RAP1A: variants seen among roughly 807,000 people sequenced by gnomAD.
RAP1A encodes the protein ras-related protein Rap-1A.
Under a neutral mutation model 26.4 loss-of-function variants are expected in RAP1A, and 6 were observed. The ratio of observed to expected loss-of-function variants is 0.23; its 90% CI spans 0.12 to 0.45. The LOEUF (loss-of-function observed/expected upper bound fraction) is 0.45. Among genes scored for constraint, RAP1A ranks in the 20% least tolerant of loss-of-function variants. The pLI is 0.99. For missense variants in RAP1A, 121 were observed against 217.2 expected, an observed-to-expected ratio of 0.56 and a Z score of 2.78; for synonymous variants, 73 against 79.4, an observed-to-expected ratio of 0.92 and a Z score of 0.43.
intron 1 of RAP1A, among the ~76,000 whole-genome samples, chr1:111,606,117 C>G (rs1013208835): frequency 1.3e-5 from 2 of 152,180 alleles, no homozygotes; most frequent in Non-Finnish European, 2.9e-5. Context: ...AGAAGCAAGG[C>G]TGGCATGGAA....
At chr1:111,710,067 T>G (rs1662329558) in intron 7 of RAP1A, among the ~76,000 whole-genome samples, 1 of 152,214 alleles carries the variant, frequency 6.6e-6, no homozygotes, top group African/African-American at 2.4e-5. Flanking sequence ...GCTAAAAAGT[T>G]TTTCAAAGTG....
intron 1 of RAP1A, among the ~76,000 whole-genome samples, chr1:111,623,629 T>C (rs1571505084): frequency 2.0e-5 from 3 of 152,310 alleles, no homozygotes. Flanking sequence ...CAGGCTGGTC[T>C]TGAACTCCTG....
At chr1:111,639,473 T>G (rs1291211417) in intron 1 of RAP1A, among the ~76,000 whole-genome samples, 3 of 152,066 alleles carry the variant, frequency 2.0e-5, no homozygotes, top group Non-Finnish European at 4.4e-5. Context: ...TCTGAGACTA[T>G]TCTTTCTTTA....
intron 1 of RAP1A, among the ~76,000 whole-genome samples, chr1:111,596,260 A>T (rs1658562163): frequency 6.6e-6 from 1 of 152,138 alleles, no homozygotes; most frequent in Non-Finnish European, 1.5e-5. Context: ...GGGTCCAGCC[A>T]GGTCAACAAT....
chr1:111,552,619 CT>C (rs1199526353), intron 1 of RAP1A, among the ~76,000 whole-genome samples: 1 of 152,082 alleles, frequency 6.6e-6, no homozygotes, highest in Non-Finnish European at 1.5e-5. Context: ...TAAAAGTCAC[CT>C]TTATCTATTT....
At chr1:111,607,003 TTTTATTTA>T (rs370268151) in intron 1 of RAP1A, among the ~76,000 whole-genome samples, 3,250 of 145,752 alleles carry the variant, frequency 0.022, 111 homozygotes, top group African/African-American at 0.079. Context: ...ATTCATTTTC[TTTTATTTA>T]TTTATTTATT....
At chr1:111,613,977 G>A (rs910314403) in intron 1 of RAP1A, among the ~76,000 whole-genome samples, 12 of 152,038 alleles carry the variant, frequency 7.9e-5, no homozygotes, top group Non-Finnish European at 1.2e-4. Context: ...ATTTATTCCC[G>A]AAACATTTAC....
intron 1 of RAP1A, among the ~76,000 whole-genome samples, chr1:111,580,681 T>A (rs1248233689): frequency 6.6e-6 from 1 of 152,016 alleles, no homozygotes; most frequent in Non-Finnish European, 1.5e-5. Flanking sequence ...ACCCTATCTC[T>A]ACTGAAAGTA....
intron 1 of RAP1A, among the ~76,000 whole-genome samples, chr1:111,677,529 G>A (rs890310745): frequency 4.6e-5 from 7 of 152,152 alleles, no homozygotes; most frequent in Non-Finnish European, 7.3e-5. Flanking sequence ...GATATCTCAC[G>A]AGGCTGCAGA....
chr1:111,558,843 T>C (rs7526041), intron 1 of RAP1A, among the ~76,000 whole-genome samples: 1 of 152,096 alleles, frequency 6.6e-6, no homozygotes, highest in Non-Finnish European at 1.5e-5. Context: ...TGATAGAATC[T>C]CTGCTTAAAA....
intron 1 of RAP1A, among the ~76,000 whole-genome samples, chr1:111,667,269 G>A (rs1284422145): frequency 2.0e-5 from 3 of 151,950 alleles, no homozygotes; most frequent in African/African-American, 4.8e-5. Flanking sequence ...AAAAAATGGC[G>A]ATAGAAAATA....
chr1:111,655,244 A>AAG (rs202022652), intron 1 of RAP1A, among the ~76,000 whole-genome samples: 18,756 of 127,240 alleles, frequency 0.15, 1,526 homozygotes, highest in South Asian at 0.21. Context: ...GAAAAAAAAG[A>AAG]AAAAAAAACA....
At chr1:111,688,204 C>G (rs1284601593) in intron 1 of RAP1A, among the ~76,000 whole-genome samples, 2 of 148,654 alleles carry the variant, frequency 1.3e-5, no homozygotes, top group Non-Finnish European at 3.0e-5. Context: ...GTAGGTTGAC[C>G]AGTTTTTTCT....
At chr1:111,546,272 C>G (rs549839393) in intron 1 of RAP1A, among the ~76,000 whole-genome samples, 95 of 152,170 alleles carry the variant, frequency 6.2e-4, no homozygotes, top group Admixed American at 1.0e-3. Flanking sequence ...TTTTGTTTTA[C>G]CATTTTAACT....
chr1:111,674,428 C>A (rs775408754), intron 1 of RAP1A, among the ~76,000 whole-genome samples: 7 of 152,090 alleles, frequency 4.6e-5, no homozygotes, highest in Non-Finnish European at 8.8e-5. Flanking sequence ...TCTTACCTTG[C>A]TTCTCTTTCT....
At chr1:111,618,653 GA>G (rs1197506288), upstream of RAP1A, among the ~76,000 whole-genome samples, 2 of 152,068 alleles carry the variant, frequency 1.3e-5, no homozygotes, top group Non-Finnish European at 2.9e-5. Context: ...ACATGTGTAA[GA>G]AAAGACTCTT....
chr1:111,692,840 A>T (rs72991076), intron 2 of RAP1A, among the ~76,000 whole-genome samples: 1,651 of 152,350 alleles, frequency 0.011, 25 homozygotes, highest in African/African-American at 0.038. Flanking sequence ...AGGTTAAATA[A>T]GCTATGAATA....
chr1:111,702,208 C>T (rs1571573532), intron 4 of RAP1A, among the ~76,000 whole-genome samples: 1 of 152,260 alleles, frequency 6.6e-6, no homozygotes, highest in Non-Finnish European at 1.5e-5. Flanking sequence ...ACGTTTAATG[C>T]ATCCAGAGGT....
chr1:111,564,047 C>T (rs1657854587), intron 1 of RAP1A: 2 of 909,724 alleles, frequency 2.2e-6, no homozygotes, highest in Admixed American at 1.8e-5. Flanking sequence ...ACCAGGAATT[C>T]CCTGTTTTGG....
Sources: allele counts gnomAD v4.1 joint callset (sites outside exome capture counted in the v4.1 genomes callset), GRCh38; gene constraint gnomAD v4.1.1; transcripts MANE v1.5; gene names NCBI Gene and HGNC (gene_info 2026-07-23, HGNC 2026-07-21).